NYAP2: variants seen among roughly 807,000 people sequenced by gnomAD.
The protein encoded by NYAP2 is neuronal tyrosine-phosphorylated phosphoinositide-3-kinase adaptor 2, also known as neuronal tyrosine-phosphorylated phosphoinositide-3-kinase adapter 2.
In NYAP2, 23 loss-of-function variants were observed where a neutral mutation model predicts 50.4. That is an observed-to-expected ratio of 0.46 (90% CI 0.33 to 0.65). NYAP2 has a LOEUF of 0.65. Ranked by LOEUF, NYAP2 falls within the 30% of genes least tolerant of loss-of-function variation. NYAP2 has a pLI of 0.02. For missense variants in NYAP2, 885 were observed against 861.0 expected, an observed-to-expected ratio of 1.03 and a Z score of -0.35; for synonymous variants, 394 against 365.2, an observed-to-expected ratio of 1.08 and a Z score of -0.90.
intron 3 of NYAP2, among the ~76,000 whole-genome samples, chr2:225,417,736 G>A (rs1390508520): frequency 6.6e-6 from 1 of 152,048 alleles, no homozygotes; most frequent in African/African-American, 2.4e-5. Context: ...CCGTTACCAA[G>A]GATACTTCTT....
intron 3 of NYAP2, among the ~76,000 whole-genome samples, chr2:225,421,161 C>T (rs1695208935): frequency 6.6e-6 from 1 of 152,078 alleles, no homozygotes; most frequent in African/African-American, 2.4e-5. Flanking sequence ...TCCTCCCTCC[C>T]CAGGCTTCCA....
the NYAP2 span, among the ~76,000 whole-genome samples, chr2:225,672,248 A>G: frequency 6.6e-6 from 1 of 152,126 alleles, no homozygotes; most frequent in African/African-American, 2.4e-5. Context: ...CACCTTCATC[A>G]GTTATTTTAG....
intron 3 of NYAP2, among the ~76,000 whole-genome samples, chr2:225,431,766 C>T (rs1489129042): frequency 6.6e-6 from 1 of 152,104 alleles, no homozygotes; most frequent in African/African-American, 2.4e-5. Context: ...TTAAGAAGTC[C>T]ACTTATAAGG....
intron 5 of NYAP2, among the ~76,000 whole-genome samples, chr2:225,601,599 T>C (rs1448330394): frequency 6.6e-6 from 1 of 152,232 alleles, no homozygotes; most frequent in African/African-American, 2.4e-5. Context: ...CTAATGTGTA[T>C]GAAGTGATAT....
At chr2:225,583,782 T>G (rs1402010425) in intron 5 of NYAP2, among the ~76,000 whole-genome samples, 2 of 152,224 alleles carry the variant, frequency 1.3e-5, no homozygotes, top group Non-Finnish European at 2.9e-5. Flanking sequence ...GGCTCGCGCC[T>G]GTAATCCCAG....
chr2:225,620,461 G>A (rs62188707), intron 5 of NYAP2, among the ~76,000 whole-genome samples: 9 of 135,788 alleles, frequency 6.6e-5, no homozygotes, highest in Non-Finnish European at 6.4e-5. Context: ...ACGCACACAC[G>A]CGCATGCACA....
At chr2:225,566,900 G>C (rs1691970937) in intron 4 of NYAP2, among the ~76,000 whole-genome samples, 1 of 152,060 alleles carries the variant, frequency 6.6e-6, no homozygotes, top group African/African-American at 2.4e-5. Context: ...CTCGGTTTGA[G>C]GAACTTACAG....
intron 4 of NYAP2, among the ~76,000 whole-genome samples, chr2:225,573,362 C>T (rs1692109634): frequency 6.6e-6 from 1 of 151,542 alleles, no homozygotes; most frequent in African/African-American, 2.4e-5. Context: ...AACAATTCTC[C>T]TTCCTCAGCC....
intron 5 of NYAP2, among the ~76,000 whole-genome samples, chr2:225,611,529 A>G (rs1692884824): frequency 6.6e-6 from 1 of 151,918 alleles, no homozygotes; most frequent in Non-Finnish European, 1.5e-5. Context: ...CGCAAAACTA[A>G]TCTAATCCAC....
intron 4 of NYAP2, among the ~76,000 whole-genome samples, chr2:225,539,477 TC>T (rs1223443368): frequency 6.6e-6 from 1 of 152,256 alleles, no homozygotes; most frequent in African/African-American, 2.4e-5. Flanking sequence ...GTAAAACCAT[TC>T]CTGTTTCTCC....
intron 5 of NYAP2, among the ~76,000 whole-genome samples, chr2:225,589,140 TGA>T (rs1228564950): frequency 6.6e-6 from 1 of 151,944 alleles, no homozygotes; most frequent in Non-Finnish European, 1.5e-5. Flanking sequence ...CAAACTTGTC[TGA>T]GAAGCAGCCT....
At chr2:225,530,100 A>T (rs923306907) in intron 4 of NYAP2, among the ~76,000 whole-genome samples, 1 of 151,770 alleles carries the variant, frequency 6.6e-6, no homozygotes, top group African/African-American at 2.4e-5. Flanking sequence ...CTATAAAATT[A>T]TTTTTTTTTT....
intron 5 of NYAP2, among the ~76,000 whole-genome samples, chr2:225,606,205 C>T (rs1692783761): frequency 6.6e-6 from 1 of 152,114 alleles, no homozygotes; most frequent in Non-Finnish European, 1.5e-5. Flanking sequence ...CCCAGGGGCT[C>T]ATAACCCCAA....
At chr2:225,663,474 G>C in the NYAP2 span, among the ~76,000 whole-genome samples, 1 of 152,078 alleles carries the variant, frequency 6.6e-6, no homozygotes, top group Non-Finnish European at 1.5e-5. Context: ...TGGTTTTCCT[G>C]TTCAGCTTCC....
chr2:225,487,347 G>T (rs1278549078), intron 3 of NYAP2, among the ~76,000 whole-genome samples: 1 of 151,914 alleles, frequency 6.6e-6, no homozygotes, highest in African/African-American at 2.4e-5. Context: ...ATTTCTAATT[G>T]GTAACTTTCT....
intron 3 of NYAP2, among the ~76,000 whole-genome samples, chr2:225,472,778 G>T (rs1690032958): frequency 6.6e-6 from 1 of 152,156 alleles, no homozygotes; most frequent in South Asian, 2.1e-4. Flanking sequence ...ATAGAAAAAT[G>T]CAGTGTTACT....
chr2:225,685,770 T>G, the NYAP2 span, among the ~76,000 whole-genome samples: 4 of 152,194 alleles, frequency 2.6e-5, no homozygotes, highest in African/African-American at 7.2e-5. Context: ...AAACATAGTT[T>G]TTAAAATATA....
chr2:225,629,322 A>T (rs1693269425), intron 6 of NYAP2, among the ~76,000 whole-genome samples: 1 of 152,156 alleles, frequency 6.6e-6, no homozygotes, highest in East Asian at 1.9e-4. Flanking sequence ...ATGCCCACCC[A>T]CCTAGGTGAG....
chr2:225,562,836 T>C (rs1363038513), intron 4 of NYAP2, among the ~76,000 whole-genome samples: 3 of 152,134 alleles, frequency 2.0e-5, no homozygotes, highest in South Asian at 2.1e-4. Context: ...GGTACCTAAA[T>C]TGCCAGCTTA....
Sources: gnomAD v4.1 joint callset for allele counts (sites outside exome capture counted in the v4.1 genomes callset) on GRCh38, gnomAD v4.1.1 for gene constraint, MANE v1.5 for transcripts, NCBI Gene and HGNC (gene_info 2026-07-23, HGNC 2026-07-21) for gene names.